Variants in CSNK1G3 observed in about 807,000 individuals in gnomAD.
The protein encoded by CSNK1G3 is casein kinase I isoform gamma-3.
A neutral mutation model predicts 64.3 loss-of-function variants in CSNK1G3; 23 were observed. The ratio of observed to expected loss-of-function variants is 0.36; its 90% CI spans 0.26 to 0.51. The LOEUF is 0.51. Ranked by LOEUF, CSNK1G3 falls within the 20% of genes least tolerant of loss-of-function variation. The pLI, the probability that CSNK1G3 is intolerant of heterozygous loss-of-function variation, is 0.96. For missense variants in CSNK1G3, 357 were observed against 510.5 expected, an observed-to-expected ratio of 0.70 and a Z score of 2.90; for synonymous variants, 158 against 162.2, an observed-to-expected ratio of 0.97 and a Z score of 0.20.
chr5:123,576,434 CTA>C (rs1789180018), intron 6 of CSNK1G3, among the ~76,000 whole-genome samples: 1 of 152,262 alleles, frequency 6.6e-6, no homozygotes, highest in Non-Finnish European at 1.5e-5. Context: ...TGTATGCTAA[CTA>C]TGACTTCGGA....
At chr5:123,515,876 A>G (rs1313280124) in intron 1 of CSNK1G3, among the ~76,000 whole-genome samples, 2 of 152,186 alleles carry the variant, frequency 1.3e-5, no homozygotes, top group African/African-American at 2.4e-5. Flanking sequence ...AAATGATACT[A>G]TTACGACAAC....
chr5:123,559,508 G>C (rs1036912719), intron 4 of CSNK1G3, among the ~76,000 whole-genome samples: 2 of 152,136 alleles, frequency 1.3e-5, no homozygotes, highest in Non-Finnish European at 1.5e-5. Context: ...CACAACTGCA[G>C]GGACCACCAT....
intron 5 of CSNK1G3, among the ~76,000 whole-genome samples, chr5:123,574,300 G>A (rs1361420793): frequency 6.6e-6 from 1 of 152,162 alleles, no homozygotes; most frequent in African/African-American, 2.4e-5. Context: ...CGAAATAAAT[G>A]CCAATAGAAG....
chr5:123,613,175 A>G (rs1748755063), intron 12 of CSNK1G3, among the ~76,000 whole-genome samples: 1 of 151,228 alleles, frequency 6.6e-6, no homozygotes, highest in Non-Finnish European at 1.5e-5. Flanking sequence ...ATAGATGTGT[A>G]TTTAATTTTT....
exon 10 of CSNK1G3, chr5:123,591,358 T>C (rs750303778): frequency 6.2e-7 from 1 of 1,610,610 alleles, no homozygotes; most frequent in Admixed American, 1.7e-5. Flanking sequence ...TCCTGCTCTG[T>C]CATCAAACAG....
chr5:123,608,500 AT>A (rs1191818289), intron 12 of CSNK1G3, among the ~76,000 whole-genome samples: 6 of 152,200 alleles, frequency 3.9e-5, no homozygotes, highest in African/African-American at 1.4e-4. Flanking sequence ...AAACAAAATA[AT>A]TTAGTTTAAT....
chr5:123,550,713 A>G (rs1165945745), intron 2 of CSNK1G3, among the ~76,000 whole-genome samples: 2 of 152,186 alleles, frequency 1.3e-5, no homozygotes, highest in African/African-American at 4.8e-5. Context: ...AACCGGCACC[A>G]GTTTACTTGG....
chr5:123,551,084 T>C (rs1310962754), intron 2 of CSNK1G3, among the ~76,000 whole-genome samples: 1 of 152,218 alleles, frequency 6.6e-6, no homozygotes, highest in Non-Finnish European at 1.5e-5. Flanking sequence ...CTTCTTGTCC[T>C]GTGAAATTTT....
In CSNK1G3 at chr5:123,542,849, AGTGT is replaced by A. The variant is rs66645709; in HGVS notation, c.-247-2533_-247-2530del. ...AGCAGTTTGTGATATGCCTAGATTT[AGTGT>A]GTGTGTGTGTGTGTGTGTGTGTGTG... is the stretch of plus-strand genomic sequence containing the variant. On this transcript the variant is annotated intron_variant, in intron 1 of 12. Transcript: ENST00000345990. Among the ~76,000 whole-genome samples, 804 of 134,886 alleles carry A rather than the reference AGTGT, an allele frequency of 6.0e-3. 19 individuals carry two copies. Among genetic ancestry groups the A allele is most frequent in the Admixed American group, 0.038 (509 of 13,516 alleles). The allele number at this position is 134,886 out of a possible 152,430, so 88.5% of individuals were successfully genotyped here.
intron 1 of CSNK1G3, among the ~76,000 whole-genome samples, chr5:123,542,331 A>C (rs535357809): frequency 6.6e-6 from 1 of 152,286 alleles, no homozygotes; most frequent in East Asian, 1.9e-4. Flanking sequence ...ATGTTGTCAT[A>C]TATTTTACTT....
chr5:123,570,927 A>G (rs1359320431), intron 4 of CSNK1G3, among the ~76,000 whole-genome samples: 2 of 152,216 alleles, frequency 1.3e-5, no homozygotes, highest in African/African-American at 4.8e-5. Flanking sequence ...TGTAAATCTT[A>G]ATTGCATCTC....
At chr5:123,574,067 T>C (rs1788664862) in intron 5 of CSNK1G3, among the ~76,000 whole-genome samples, 2 of 152,132 alleles carry the variant, frequency 1.3e-5, no homozygotes, top group African/African-American at 4.8e-5. Context: ...GTCAGGATGG[T>C]CTCGATCTCC....
At position 123,528,157 on chromosome 5, in the gene CSNK1G3, G is replaced by A. The variant is rs571674028; in HGVS notation, c.-248+15587G>A. On this transcript the variant is annotated intron_variant, in intron 1 of 12. Transcript: ENST00000345990. ...TCTTATTGTTTAATGAAGAGAATAT[G>A]CATTTTGTGACCTCCTTTAGTGAAT... 2.0e-5 allele frequency among the ~76,000 whole-genome samples: 3 copies of A among 152,230 alleles called. No homozygotes were observed. In the South Asian group the frequency reaches 6.2e-4, roughly 32 times the overall value.
intron 10 of CSNK1G3, among the ~76,000 whole-genome samples, chr5:123,596,905 A>G (rs1793545362): frequency 6.6e-6 from 1 of 152,140 alleles, no homozygotes; most frequent in African/African-American, 2.4e-5. Flanking sequence ...TCCCACTCCA[A>G]AATAAAGACT....
intron 10 of CSNK1G3, among the ~76,000 whole-genome samples, chr5:123,600,445 T>A (rs1794259937): frequency 6.6e-6 from 1 of 151,818 alleles, no homozygotes; most frequent in African/African-American, 2.4e-5. Context: ...GCCAACACGG[T>A]GAAACCCCAT....
Position 123,600,497 on chromosome 5 carries a change from C to T in CSNK1G3, c.1087-4227C>T, listed in dbSNP as rs972666927. On this transcript the variant is annotated intron_variant, in intron 10 of 12. Coordinates refer to ENST00000345990, the Ensembl canonical transcript of CSNK1G3. ...AAAATTAGCCAGGCATGGTGGTGCACACCTGTAATCCCAGCTACTTGGAAG... is the reference window on the plus strand; with the variant it reads ...AAAATTAGCCAGGCATGGTGGTGCATACCTGTAATCCCAGCTACTTGGAAG... Among the ~76,000 whole-genome samples the T allele has an allele frequency of 1.2e-4, 18 of 151,788 alleles. 1 individual carries two copies. Among genetic ancestry groups the T allele is most frequent in the South Asian group, 4.2e-4 (2 of 4,806 alleles).
chr5:123,563,787 A>C (rs1786262540), intron 4 of CSNK1G3, among the ~76,000 whole-genome samples: 1 of 152,104 alleles, frequency 6.6e-6, no homozygotes, highest in Non-Finnish European at 1.5e-5. Flanking sequence ...GTTGTTTGAA[A>C]AAATTGAAAG....
intron 4 of CSNK1G3, among the ~76,000 whole-genome samples, chr5:123,562,004 T>C (rs1785833373): frequency 6.6e-6 from 1 of 152,150 alleles, no homozygotes; most frequent in Non-Finnish European, 1.5e-5. Flanking sequence ...CTCAACCAGC[T>C]TTTTACCTCT....
chr5:123,574,526 G>A (rs1362218233), intron 5 of CSNK1G3, among the ~76,000 whole-genome samples: 2 of 151,984 alleles, frequency 1.3e-5, no homozygotes, highest in Non-Finnish European at 2.9e-5. Flanking sequence ...GCATATTAAA[G>A]ATTGTTTTAT....
Sources: allele counts gnomAD v4.1 joint callset (sites outside exome capture counted in the v4.1 genomes callset), GRCh38; gene constraint gnomAD v4.1.1; transcripts MANE v1.5; gene names NCBI Gene and HGNC (gene_info 2026-07-23, HGNC 2026-07-21).